The following BCKDHB variants were observed in gnomAD, a reference collection of about 807,000 sequenced individuals.
BCKDHB encodes 2-oxoisovalerate dehydrogenase subunit beta, mitochondrial.
BCKDHB carries 41 observed loss-of-function variants against 48.5 expected under a neutral mutation model. The observed-to-expected ratio is 0.85, with a 90% CI of 0.66 to 1.10. The LOEUF (loss-of-function observed/expected upper bound fraction) is 1.10, where lower values mean the gene tolerates loss of function less well. Ranked by LOEUF, BCKDHB falls within the 50% of genes least tolerant of loss-of-function variation. BCKDHB has a pLI of 0.00. For missense variants in BCKDHB, 496 were observed against 494.2 expected (o/e 1.00, Z -0.03); for synonymous variants, 201 against 174.8 (o/e 1.15, Z -1.18).
chr6:80,293,370 T>A (rs1167374949), intron 9 of BCKDHB, among the ~76,000 whole-genome samples: 2 of 152,334 alleles, frequency 1.3e-5, no homozygotes, highest in South Asian at 2.1e-4. Context: ...GAAGCTGCCA[T>A]GGCTTGAGGC....
intron 3 of BCKDHB, among the ~76,000 whole-genome samples, chr6:80,155,000 T>C (rs1344197340): frequency 6.6e-6 from 1 of 152,120 alleles, no homozygotes; most frequent in East Asian, 1.9e-4. Flanking sequence ...TTCCACAGAG[T>C]AATAGTGGAA....
At chr6:80,116,406 A>G (rs193032239) in intron 1 of BCKDHB, among the ~76,000 whole-genome samples, 7 of 152,274 alleles carry the variant, frequency 4.6e-5, no homozygotes, top group Admixed American at 4.6e-4. Context: ...GTGTTCATTC[A>G]TTCATTCAAC....
In BCKDHB at chr6:80,167,737, G is replaced by A. The variant is rs751953459; in HGVS notation, c.403G>A (p.Gly135Arg). 4.3e-6 allele frequency: 7 copies of A among 1,612,672 alleles called. No homozygotes were observed. The highest frequency in any genetic ancestry group is 5.9e-6 in the Non-Finnish European group (7 of 1,178,844). ...ACAAGGAATTGTTGGATTTGGAATCGGAATTGCGGTCACTGGAGCTACTGC... is the reference window on the plus strand; with the variant it reads ...ACAAGGAATTGTTGGATTTGGAATCAGAATTGCGGTCACTGGAGCTACTGC... The part of the protein sequence containing the change: ...CEQGIVGFGI[G>R]IAVTGATAIA... Residue 135 changes from glycine to arginine, a missense_variant, in exon 4 of 10, where the codon GGA becomes AGA. Coordinates refer to ENST00000320393, the MANE Select transcript of BCKDHB (RefSeq NM_183050.4).
At chr6:80,354,383 A>C in the BCKDHB span, among the ~76,000 whole-genome samples, 2 of 152,080 alleles carry the variant, frequency 1.3e-5, no homozygotes, top group African/African-American at 2.4e-5. Flanking sequence ...ACATGCCATC[A>C]TGCCCAGCTA....
chr6:80,405,469 G>C, the BCKDHB span, among the ~76,000 whole-genome samples: 2 of 152,038 alleles, frequency 1.3e-5, no homozygotes, highest in Non-Finnish European at 2.9e-5. Flanking sequence ...GTTGGATCTT[G>C]TTTTTATTCA....
At chr6:80,456,272 CAT>C in the BCKDHB span, among the ~76,000 whole-genome samples, 2 of 151,130 alleles carry the variant, frequency 1.3e-5, no homozygotes, top group African/African-American at 4.8e-5. Context: ...AACAACAACA[CAT>C]AGTGCTTTTC....
At chr6:80,299,546 G>A (rs1406099611) in intron 9 of BCKDHB, among the ~76,000 whole-genome samples, 1 of 152,148 alleles carries the variant, frequency 6.6e-6, no homozygotes, top group Non-Finnish European at 1.5e-5. Flanking sequence ...GTGAAAGCAA[G>A]TTTATTAAGA....
At chr6:80,241,182 G>A (rs906636323) in intron 8 of BCKDHB, among the ~76,000 whole-genome samples, 3 of 152,022 alleles carry the variant, frequency 2.0e-5, no homozygotes, top group Admixed American at 1.3e-4. Flanking sequence ...GCTTCCTTGC[G>A]ATGGATTCGA....
intron 6 of BCKDHB, among the ~76,000 whole-genome samples, chr6:80,181,452 A>G (rs1052648850): frequency 6.6e-6 from 1 of 152,140 alleles, no homozygotes. Context: ...TAAGTCAACA[A>G]TGTTCTTTAT....
At chr6:80,322,238 C>CTTTTTTTT (rs776940885) in intron 9 of BCKDHB, among the ~76,000 whole-genome samples, 15 of 116,624 alleles carry the variant, frequency 1.3e-4, no homozygotes, top group South Asian at 2.7e-4. Context: ...TCTTTCTTTT[C>CTTTTTTTT]TTTTTTTTTT....
rs545781761 is a variant in BCKDHB, at chr6:80,323,721, G to C, written c.1039-19943G>C. On this transcript the variant is annotated intron_variant, in intron 9 of 9. Coordinates refer to ENST00000320393, the MANE Select transcript of BCKDHB (RefSeq NM_183050.4). ...TAGAGCTCTTTTCTTCACACTGATT[G>C]TGCTGCTCCTTTTCAATTTTTCCAA... Among the ~76,000 whole-genome samples the C allele has an allele frequency of 6.6e-5, 10 of 152,210 alleles. No homozygotes were observed. In the South Asian group the frequency reaches 2.1e-3, roughly 32 times the overall value.
the BCKDHB span, among the ~76,000 whole-genome samples, chr6:80,458,103 T>C: frequency 6.6e-6 from 1 of 152,214 alleles, no homozygotes; most frequent in African/African-American, 2.4e-5. Flanking sequence ...AATGAAGCCT[T>C]AGAAAGGCTT....
At chr6:80,373,430 TTTG>T in the BCKDHB span, among the ~76,000 whole-genome samples, 2 of 152,192 alleles carry the variant, frequency 1.3e-5, no homozygotes, top group Middle Eastern at 3.4e-3. Flanking sequence ...TATTATCTTT[TTTG>T]TTGTTGTTGT....
chr6:80,359,400 T>G, the BCKDHB span, among the ~76,000 whole-genome samples: 13 of 152,164 alleles, frequency 8.5e-5, no homozygotes. Context: ...GCACCACCCT[T>G]CCCGTGGTGA....
chr6:80,170,807 T>C (rs1463805444), intron 5 of BCKDHB, among the ~76,000 whole-genome samples: 1 of 152,202 alleles, frequency 6.6e-6, no homozygotes, highest in African/African-American at 2.4e-5. Context: ...AGTGGACTAA[T>C]TTTTCACTTA....
At chr6:80,327,429 T>G (rs1296158645) in intron 9 of BCKDHB, among the ~76,000 whole-genome samples, 2 of 152,228 alleles carry the variant, frequency 1.3e-5, no homozygotes, top group Non-Finnish European at 2.9e-5. Context: ...AGTTGAACAT[T>G]TCTTAATTTG....
chr6:80,301,317 A>C (rs886083210), intron 9 of BCKDHB, among the ~76,000 whole-genome samples: 3 of 152,214 alleles, frequency 2.0e-5, no homozygotes, highest in Non-Finnish European at 4.4e-5. Context: ...AAATCAGAGA[A>C]GATCCAAATA....
intron 8 of BCKDHB, among the ~76,000 whole-genome samples, chr6:80,219,395 C>T (rs755842569): frequency 3.3e-5 from 5 of 152,124 alleles, no homozygotes; most frequent in Middle Eastern, 3.4e-3. Context: ...TTAGTAGAGA[C>T]GGGATTTCAC....
At chr6:80,462,658 A>G in the BCKDHB span, among the ~76,000 whole-genome samples, 1 of 152,188 alleles carries the variant, frequency 6.6e-6, no homozygotes, top group East Asian at 1.9e-4. Context: ...TCTTGAAGGC[A>G]TTATGGCCCC....
Sources: allele counts gnomAD v4.1 joint callset (sites outside exome capture counted in the v4.1 genomes callset), GRCh38; gene constraint gnomAD v4.1.1; transcripts MANE v1.5; gene names NCBI Gene and HGNC (gene_info 2026-07-23, HGNC 2026-07-21).